The following TRERF1 variants were observed in gnomAD, a reference collection of about 807,000 sequenced individuals.
TRERF1 encodes the protein transcriptional-regulating factor 1.
In TRERF1, 27 loss-of-function variants were observed where a neutral mutation model predicts 122.9. The observed-to-expected ratio is 0.22, with a 90% CI of 0.16 to 0.30. TRERF1 has a LOEUF of 0.30. Among genes scored for constraint, TRERF1 ranks in the 10% least tolerant of loss-of-function variants. The pLI is 1.00. For missense variants in TRERF1, 1,248 were observed against 1,560.3 expected (o/e 0.80, Z 3.37); for synonymous variants, 636 against 641.7 (o/e 0.99, Z 0.13).
chr6:42,377,145 C>T (rs1288513129), intron 2 of TRERF1, among the ~76,000 whole-genome samples: 4 of 152,156 alleles, frequency 2.6e-5, no homozygotes, highest in Non-Finnish European at 4.4e-5. Context: ...GAATTACAGG[C>T]GTGAGCCACT....
chr6:42,310,144 C>T (rs1019401298), intron 3 of TRERF1, among the ~76,000 whole-genome samples: 1 of 152,142 alleles, frequency 6.6e-6, no homozygotes, highest in Non-Finnish European at 1.5e-5. Context: ...CACTCTGTCA[C>T]CCAGGCTGGA....
At chr6:42,306,221 G>C (rs1689081) in intron 3 of TRERF1, among the ~76,000 whole-genome samples, 119,415 of 151,838 alleles carry the variant, frequency 0.79, 47,662 homozygotes, top group East Asian at 0.93. Context: ...AGTCTGGTCT[G>C]GAACTCCTGA....
At chr6:42,308,788 G>C (rs772693749) in intron 3 of TRERF1, among the ~76,000 whole-genome samples, 8 of 152,164 alleles carry the variant, frequency 5.3e-5, no homozygotes, top group Admixed American at 2.0e-4. Context: ...CTACTTGAGG[G>C]GGGAGGGCAG....
chr6:42,390,637 G>A (rs1476880923), intron 2 of TRERF1, among the ~76,000 whole-genome samples: 2 of 152,150 alleles, frequency 1.3e-5, no homozygotes, highest in Non-Finnish European at 1.5e-5. Context: ...GTACTGTTCT[G>A]AGACAGACAG....
At chr6:42,365,738 C>T (rs1772602739) in intron 2 of TRERF1, among the ~76,000 whole-genome samples, 1 of 152,204 alleles carries the variant, frequency 6.6e-6, no homozygotes, top group African/African-American at 2.4e-5. Context: ...TCTACATACA[C>T]TACCACCACC....
At chr6:42,254,542 G>A (rs549832704) in intron 13 of TRERF1, among the ~76,000 whole-genome samples, 66 of 152,318 alleles carry the variant, frequency 4.3e-4, no homozygotes, top group African/African-American at 1.5e-3. Flanking sequence ...GATTCCAAAA[G>A]CAGGGGGCTG....
intron 2 of TRERF1, among the ~76,000 whole-genome samples, chr6:42,394,963 C>A (rs1305633954): frequency 1.3e-5 from 2 of 152,192 alleles, no homozygotes; most frequent in African/African-American, 4.8e-5. Context: ...AATTTAGGCA[C>A]CCACCAGGCA....
intron 4 of TRERF1, among the ~76,000 whole-genome samples, chr6:42,289,612 A>G (rs1783948611): frequency 6.6e-6 from 1 of 152,238 alleles, no homozygotes; most frequent in Admixed American, 6.5e-5. Flanking sequence ...AATGAGAAGA[A>G]TAGGATTGTT....
chr6:42,279,308 T>C (rs1781859735), intron 4 of TRERF1, among the ~76,000 whole-genome samples: 1 of 151,844 alleles, frequency 6.6e-6, no homozygotes, highest in Non-Finnish European at 1.5e-5. Context: ...CCCAAGAACT[T>C]GGGGCGTGGG....
At chr6:42,318,661 G>A (rs528890697) in intron 3 of TRERF1, among the ~76,000 whole-genome samples, 74 of 152,318 alleles carry the variant, frequency 4.9e-4, no homozygotes, top group African/African-American at 1.7e-3. Flanking sequence ...GCCTGTTTAT[G>A]TAAATAAAGC....
chr6:42,236,167 A>C, intron 16 of TRERF1, 38 bp downstream of exon 16: 1 of 1,532,956 alleles, frequency 6.5e-7, no homozygotes, highest in Non-Finnish European at 8.7e-7. Flanking sequence ...TATGGCTCTC[A>C]CTTGTCCCAG....
chr6:42,324,558 T>C (rs1177770574), intron 3 of TRERF1, among the ~76,000 whole-genome samples: 1 of 152,068 alleles, frequency 6.6e-6, no homozygotes, highest in African/African-American at 2.4e-5. Flanking sequence ...AACAGATACA[T>C]AGATCAATGG....
In TRERF1 at chr6:42,276,772, G is replaced by A. The variant is rs1781219585; in HGVS notation, c.-258-6924C>T. ...CCTTCACAGCCCTGGCTTTCCTGCT[G>A]ACTCTGGGCTGTGGGAGGATTTTCA... On this transcript the variant is annotated intron_variant, in intron 4 of 17. Coordinates refer to ENST00000372922, the Ensembl canonical transcript of TRERF1. This position sits in a 1 kb window ranked among gnomAD's most constrained non-coding sequence, Gnocchi z 4.3. Among the ~76,000 whole-genome samples, 1 of 152,156 alleles carries A rather than the reference G, an allele frequency of 6.6e-6. No homozygotes were observed.
chr6:42,355,124 T>C (rs1770251552), intron 3 of TRERF1, among the ~76,000 whole-genome samples: 1 of 152,238 alleles, frequency 6.6e-6, no homozygotes, highest in African/African-American at 2.4e-5. Flanking sequence ...ACTCTCTGCA[T>C]TGACTAAAAC....
chr6:42,267,877 G>A (rs1332817453), intron 5 of TRERF1, among the ~76,000 whole-genome samples: 2 of 152,204 alleles, frequency 1.3e-5, no homozygotes, highest in East Asian at 1.9e-4. Context: ...TGTGACTCAA[G>A]GTCTTGACCA....
chr6:42,270,195 CTG>C (rs371949232), intron 4 of TRERF1, among the ~76,000 whole-genome samples: 8 of 151,300 alleles, frequency 5.3e-5, no homozygotes, highest in African/African-American at 1.2e-4. Context: ...CTCTCTCTCT[CTG>C]TGTGTGTGTA....
At chr6:42,403,423 C>T (rs1779708756) in intron 2 of TRERF1, among the ~76,000 whole-genome samples, 1 of 151,990 alleles carries the variant, frequency 6.6e-6, no homozygotes, top group South Asian at 2.1e-4. Context: ...ACGGAGAATG[C>T]CACGTGACAA....
intron 3 of TRERF1, among the ~76,000 whole-genome samples, chr6:42,333,341 T>C (rs1025456695): frequency 6.6e-6 from 1 of 152,216 alleles, no homozygotes; most frequent in Non-Finnish European, 1.5e-5. Flanking sequence ...TTCTCAATGC[T>C]TAAGAGCTTA....
exon 14 of TRERF1, chr6:42,246,493 G>T (rs773898785): frequency 6.3e-7 from 1 of 1,599,646 alleles, no homozygotes; most frequent in Non-Finnish European, 8.5e-7. Context: ...GCTGTAAGTG[G>T]CTAGTGCTTT....
Sources: gnomAD v4.1 joint callset for allele counts (sites outside exome capture counted in the v4.1 genomes callset) on GRCh38, gnomAD v4.1.1 for gene constraint, Gnocchi (gnomAD v3.1) non-coding constraint, MANE v1.5 for transcripts, NCBI Gene and HGNC (gene_info 2026-07-23, HGNC 2026-07-21) for gene names.